The following RANBP2 variants were observed in gnomAD, a reference collection of about 807,000 sequenced individuals.
RANBP2 encodes the protein E3 SUMO-protein ligase RanBP2.
Under a neutral mutation model 303.6 loss-of-function variants are expected in RANBP2, and 57 were observed. That is an observed-to-expected ratio of 0.19 (90% confidence interval 0.15 to 0.23). The LOEUF (loss-of-function observed/expected upper bound fraction) is 0.23. Among genes scored for constraint, RANBP2 ranks in the 10% least tolerant of loss-of-function variants. The pLI is 1.00. For synonymous variants in RANBP2, 1,167 were observed against 1,301.5 expected (o/e 0.90, Z 2.23); for missense variants, 3,138 against 3,780.8 (o/e 0.83, Z 4.46).
the RANBP2 span, among the ~76,000 whole-genome samples, chr2:109,298,026 G>A: frequency 6.6e-6 from 1 of 152,302 alleles, no homozygotes; most frequent in South Asian, 2.1e-4. Flanking sequence ...AGGCTGGTGT[G>A]TGGTGCAGTG....
the RANBP2 span, among the ~76,000 whole-genome samples, chr2:109,159,718 C>T: frequency 6.6e-6 from 1 of 152,296 alleles, no homozygotes; most frequent in South Asian, 2.1e-4. Context: ...CTCCCATTAC[C>T]GCTTGATTTC....
the RANBP2 span, among the ~76,000 whole-genome samples, chr2:109,524,474 A>AAG: frequency 4.2e-5 from 6 of 142,000 alleles, 3 homozygotes; most frequent in African/African-American, 1.6e-4. Flanking sequence ...AAACAAAACA[A>AAG]CACTGGGCGC....
the RANBP2 span, among the ~76,000 whole-genome samples, chr2:108,861,555 A>G: frequency 1.4e-5 from 2 of 143,078 alleles, no homozygotes; most frequent in Non-Finnish European, 3.0e-5. Context: ...ATCTTGGCTC[A>G]CTGCAACCTC....
At chr2:109,054,064 C>A in the RANBP2 span, among the ~76,000 whole-genome samples, 19 of 152,194 alleles carry the variant, frequency 1.2e-4, no homozygotes, top group Non-Finnish European at 2.6e-4. Flanking sequence ...CTCTGCAAGG[C>A]GTGTTCATGG....
the RANBP2 span, among the ~76,000 whole-genome samples, chr2:108,817,623 T>G: frequency 1.4e-4 from 21 of 152,166 alleles, no homozygotes; most frequent in African/African-American, 5.1e-4. Flanking sequence ...GGAATTGCCC[T>G]CAGCTGACAG....
the RANBP2 span, among the ~76,000 whole-genome samples, chr2:109,479,535 A>T: frequency 6.6e-6 from 1 of 152,000 alleles, no homozygotes; most frequent in East Asian, 1.9e-4. Context: ...GGGTGTCGGG[A>T]TGTCCAGCTT....
chr2:109,347,906 T>C, the RANBP2 span: 1 of 1,610,786 alleles, frequency 6.2e-7, no homozygotes, highest in African/African-American at 1.3e-5. Flanking sequence ...GATTTCGAGA[T>C]GAAGGACAAA....
chr2:109,370,887 A>G, the RANBP2 span, among the ~76,000 whole-genome samples: 1 of 152,226 alleles, frequency 6.6e-6, no homozygotes, highest in Non-Finnish European at 1.5e-5. Flanking sequence ...CCATGACTCT[A>G]AATAAATGTA....
the RANBP2 span, among the ~76,000 whole-genome samples, chr2:109,280,744 A>C: frequency 6.6e-6 from 1 of 152,218 alleles, no homozygotes; most frequent in Non-Finnish European, 1.5e-5. Flanking sequence ...TCACCCGATG[A>C]GGGCTGTGAG....
chr2:109,188,884 C>A, the RANBP2 span, among the ~76,000 whole-genome samples: 2 of 152,010 alleles, frequency 1.3e-5, no homozygotes, highest in African/African-American at 4.8e-5. Flanking sequence ...TTTGCCGGGG[C>A]ATTGTGTAGC....
At chr2:109,196,227 G>A in the RANBP2 span, among the ~76,000 whole-genome samples, 1 of 152,188 alleles carries the variant, frequency 6.6e-6, no homozygotes, top group African/African-American at 2.4e-5. Context: ...GGGTGTTTGG[G>A]ACGGCAGAGA....
chr2:109,541,381 C>G, the RANBP2 span, among the ~76,000 whole-genome samples: 1 of 152,192 alleles, frequency 6.6e-6, no homozygotes, highest in Non-Finnish European at 1.5e-5. Flanking sequence ...ACTATACATT[C>G]CTTTCTACAT....
At chr2:109,023,520 A>G in the RANBP2 span, among the ~76,000 whole-genome samples, 1 of 152,226 alleles carries the variant, frequency 6.6e-6, no homozygotes, top group South Asian at 2.1e-4. Flanking sequence ...GTTAAAAGTC[A>G]GCCTGGGCAC....
chr2:109,330,097 T>C, the RANBP2 span, among the ~76,000 whole-genome samples: 2 of 152,218 alleles, frequency 1.3e-5, no homozygotes, highest in South Asian at 4.1e-4. Context: ...TAATGAAATA[T>C]ATGTAGCACG....
the RANBP2 span, among the ~76,000 whole-genome samples, chr2:108,881,278 T>G: frequency 1.3e-5 from 2 of 152,234 alleles, no homozygotes; most frequent in Non-Finnish European, 2.9e-5. Flanking sequence ...TCCTAAAACC[T>G]CATGAACCAA....
chr2:109,464,187 G>A, the RANBP2 span, among the ~76,000 whole-genome samples: 2 of 152,136 alleles, frequency 1.3e-5, no homozygotes, highest in African/African-American at 4.8e-5. Flanking sequence ...CTTGTTTTAT[G>A]GCTGGACTGA....
the RANBP2 span, chr2:108,873,559 G>A: frequency 3.1e-6 from 5 of 1,609,194 alleles, no homozygotes; most frequent in Non-Finnish European, 4.2e-6. Context: ...GAAAAACTCA[G>A]TATTATTTTA....
chr2:109,224,080 G>A, the RANBP2 span, among the ~76,000 whole-genome samples: 1 of 152,198 alleles, frequency 6.6e-6, no homozygotes, highest in Non-Finnish European at 1.5e-5. Context: ...TAGCTTCAGG[G>A]TTTACCTAGC....
the RANBP2 span, among the ~76,000 whole-genome samples, chr2:109,635,975 G>C: frequency 1.3e-5 from 2 of 152,190 alleles, no homozygotes; most frequent in Non-Finnish European, 2.9e-5. Flanking sequence ...GGGGGCTTTG[G>C]GAGGTGATCA....
Sources: gnomAD v4.1 joint callset for allele counts (sites outside exome capture counted in the v4.1 genomes callset) on GRCh38, gnomAD v4.1.1 for gene constraint, MANE v1.5 for transcripts, NCBI Gene and HGNC (gene_info 2026-07-23, HGNC 2026-07-21) for gene names.